Variants in KMT2C observed in about 807,000 individuals in gnomAD.
KMT2C encodes the protein lysine methyltransferase 2C.
In KMT2C, 88 loss-of-function variants were observed where a neutral mutation model predicts 507.9. That is an observed-to-expected ratio of 0.17 (90% CI 0.15 to 0.21). The LOEUF is 0.21. Among genes scored for constraint, KMT2C ranks in the 10% least tolerant of loss-of-function variants. KMT2C has a pLI of 1.00. For synonymous variants in KMT2C, 2,049 were observed against 2,080.8 expected, an observed-to-expected ratio of 0.98 and a Z score of 0.42; for missense variants, 4,954 against 5,957.8, an observed-to-expected ratio of 0.83 and a Z score of 5.55.
chr7:152,430,067 T>C (rs1370853963), intron 1 of KMT2C, among the ~76,000 whole-genome samples: 1 of 151,172 alleles, frequency 6.6e-6, no homozygotes, highest in Non-Finnish European at 1.5e-5. Context: ...AATCCCAGCT[T>C]TTTGGGAGGC....
intron 1 of KMT2C, among the ~76,000 whole-genome samples, chr7:152,417,048 CA>C (rs34690030): frequency 0.11 from 7,253 of 67,250 alleles, 121 homozygotes; most frequent in East Asian, 0.28. Context: ...GACATCATCT[CA>C]AAAAAAAAAA....
intron 24 of KMT2C, among the ~76,000 whole-genome samples, chr7:152,206,880 AC>A (rs2094322487): frequency 6.6e-6 from 1 of 152,150 alleles, no homozygotes; most frequent in Non-Finnish European, 1.5e-5. Flanking sequence ...CACACTGTAT[AC>A]TTACTGGCAC....
At chr7:152,141,712 C>CAAAAAAAAAAAAAAAAAAAAAAA (rs1249621681) in intron 55 of KMT2C, among the ~76,000 whole-genome samples, 1 of 61,872 alleles carries the variant, frequency 1.6e-5, no homozygotes, top group African/African-American at 5.8e-5. Flanking sequence ...GACTCTGTCT[C>CAAAAAAAAAAAAAAAAAAAAAAA]AAAAAAAAAA....
chr7:152,230,150 T>C, intron 17 of KMT2C, 70 bp downstream of exon 17: 1 of 1,042,768 alleles, frequency 9.6e-7, no homozygotes, highest in South Asian at 1.4e-5. Context: ...GACTTCTGTG[T>C]ATATGAGATA....
At chr7:152,299,188 C>T (rs988397957) in intron 6 of KMT2C, among the ~76,000 whole-genome samples, 3 of 151,820 alleles carry the variant, frequency 2.0e-5, no homozygotes, top group Non-Finnish European at 4.4e-5. Flanking sequence ...TGTGGTGGTG[C>T]ACGTCTGTAA....
chr7:152,345,248 A>AT lies in KMT2C; in HGVS notation c.250+13338dup, dbSNP rs200953706. 1.7e-3 allele frequency among the ~76,000 whole-genome samples: 257 copies of AT among 149,554 alleles called. 3 individuals are homozygous for AT. Among genetic ancestry groups the AT allele is most frequent in the African/African-American group, 5.8e-3 (236 of 40,778 alleles). Reference sequence around the variant, plus strand: ...GAGAACCCGTCCCTCCAAAAAAACTATTTTTTTTTTAATTAGCCAGGAGTG... The same window carrying AT: ...GAGAACCCGTCCCTCCAAAAAAACTATTTTTTTTTTTAATTAGCCAGGAGTG... On this transcript the variant is annotated intron_variant, in intron 2 of 58. Transcript: ENST00000262189.
chr7:152,346,005 T>C (rs1415507072), intron 2 of KMT2C, among the ~76,000 whole-genome samples: 1 of 152,136 alleles, frequency 6.6e-6, no homozygotes, highest in Non-Finnish European at 1.5e-5. Context: ...GATGTCAAAG[T>C]TATCAGGAAT....
At chr7:152,220,453 A>C in intron 23 of KMT2C, 70 bp downstream of exon 23, 1 of 1,212,680 alleles carries the variant, frequency 8.2e-7, no homozygotes. Flanking sequence ...AATCATACAC[A>C]TATTTCAAAA....
At chr7:152,139,109 C>T in intron 57 of KMT2C, 77 bp downstream of exon 57, 1 of 1,415,006 alleles carries the variant, frequency 7.1e-7, no homozygotes, top group African/African-American at 1.4e-5. Context: ...GAGCCTTTCC[C>T]TTGGCTTCAG....
intron 15 of KMT2C, among the ~76,000 whole-genome samples, chr7:152,238,052 A>C (rs1196525946): frequency 2.8e-4 from 42 of 152,392 alleles, no homozygotes; most frequent in Middle Eastern, 3.4e-3. Context: ...TCATGAAAGA[A>C]AATAAAGTAT....
intron 31 of KMT2C, among the ~76,000 whole-genome samples, chr7:152,192,275 G>A (rs1197476185): frequency 6.6e-6 from 1 of 152,194 alleles, no homozygotes; most frequent in Non-Finnish European, 1.5e-5. Flanking sequence ...GGGCGCGGTG[G>A]CTCACGCCTG....
Position 152,250,279 on chromosome 7 carries a change from T to A in KMT2C, c.1736-326A>T, listed in dbSNP as rs563936515. On this transcript the variant is annotated intron_variant, in intron 12 of 58. Coordinates refer to ENST00000262189, the MANE Select transcript of KMT2C (RefSeq NM_170606.3). ...TCAGTGGCTTTTTATGTATACATTA[T>A]AATTTTTATGTATACTATATAATTG... Among the ~76,000 whole-genome samples the A allele has an allele frequency of 6.6e-5, 10 of 152,330 alleles. No individual in the cohort carries two copies. The South Asian group carries it at 2.1e-3, about 32-fold the overall frequency.
chr7:152,268,564 A>T (rs1375225101), intron 7 of KMT2C, among the ~76,000 whole-genome samples: 3 of 152,194 alleles, frequency 2.0e-5, no homozygotes, highest in Non-Finnish European at 4.4e-5. Context: ...CATTTAAAAT[A>T]AATCATTAAT....
Position 152,177,122 on chromosome 7 carries a change from T to C in KMT2C, c.8331A>G (p.Leu2777=), listed in dbSNP as rs2093243557. ...CTAACTTATCATCAATTGGAAGGTC[T>C]AGTTCCTCATTAAACATGCTTTTCT... The part of the protein sequence containing the change: ...GDKKSMFNEE[L]DLPIDDKLDN... The change falls in exon 38 of 59, where the codon CTA becomes CTG. Residue 2777 remains leucine, a synonymous_variant. Transcript: ENST00000262189. 1 of 1,613,406 alleles carries C rather than the reference T, an allele frequency of 6.2e-7. No homozygotes were observed. The highest frequency in any genetic ancestry group is 8.5e-7 in the Non-Finnish European group (1 of 1,179,776).
At chr7:152,287,412 G>C (rs1422065060) in intron 6 of KMT2C, among the ~76,000 whole-genome samples, 1 of 152,162 alleles carries the variant, frequency 6.6e-6, no homozygotes, top group African/African-American at 2.4e-5. Flanking sequence ...CTCCATCAAT[G>C]AGTCAACAAA....
intron 16 of KMT2C, among the ~76,000 whole-genome samples, chr7:152,235,143 G>A (rs373797929): frequency 6.6e-6 from 1 of 151,142 alleles, no homozygotes; most frequent in African/African-American, 2.5e-5. Flanking sequence ...TTACAGAGGG[G>A]CATGAAGAAG....
At chr7:152,154,969 T>C (rs1479104316) in intron 46 of KMT2C, 3 of 152,404 alleles carry the variant, frequency 2.0e-5, no homozygotes, top group African/African-American at 7.2e-5. Flanking sequence ...GGAGAAAACT[T>C]AGCCATTGAC....
At chr7:152,358,899 T>C (rs1342990422) in intron 1 of KMT2C, among the ~76,000 whole-genome samples, 1 of 152,214 alleles carries the variant, frequency 6.6e-6, no homozygotes, top group Non-Finnish European at 1.5e-5. Context: ...CAGACCCACA[T>C]GAATATAATT....
chr7:152,265,508 G>A (rs2095846991), intron 7 of KMT2C, among the ~76,000 whole-genome samples: 1 of 152,034 alleles, frequency 6.6e-6, no homozygotes, highest in Non-Finnish European at 1.5e-5. Context: ...GATAATGCTG[G>A]ATACCTAATT....
Sources: gnomAD v4.1 joint callset for allele counts (sites outside exome capture counted in the v4.1 genomes callset) on GRCh38, gnomAD v4.1.1 for gene constraint, MANE v1.5 for transcripts, NCBI Gene and HGNC (gene_info 2026-07-23, HGNC 2026-07-21) for gene names.